ST8SIA5: variants seen among roughly 807,000 people sequenced by gnomAD.
ST8SIA5 encodes the protein ST8 alpha-N-acetyl-neuraminide alpha-2,8-sialyltransferase 5.
A neutral mutation model predicts 40.2 loss-of-function variants in ST8SIA5; 24 were observed. The ratio of observed to expected loss-of-function variants is 0.60; its 90% CI spans 0.43 to 0.84. The LOEUF (loss-of-function observed/expected upper bound fraction) is 0.84. Among genes scored for constraint, ST8SIA5 ranks in the 40% least tolerant of loss-of-function variants. ST8SIA5 has a pLI of 0.00. For missense variants in ST8SIA5, 465 were observed against 498.5 expected (o/e 0.93, Z 0.64); for synonymous variants, 198 against 201.8 (o/e 0.98, Z 0.16).
rs1052315650 is a variant in ST8SIA5 at position 46,670,955 on chromosome 18, G to A, written c.*9087C>T. ...TTTAAAATCAAAGCAAATGCCGTGA[G>A]ATATGTGATATTAGCAAAATGGTTG... On this transcript the variant is annotated 3_prime_UTR_variant, in exon 7 of 7. Coordinates refer to ENST00000315087, the MANE Select transcript of ST8SIA5 (RefSeq NM_013305.6). The A allele has an allele frequency of 1.3e-5, 2 of 152,212 alleles. No individual in the cohort carries two copies. Among genetic ancestry groups the A allele is most frequent in the Non-Finnish European group, 2.9e-5 (2 of 68,048 alleles). 9.4% of individuals were successfully genotyped at this position (152,212 alleles called of 1,614,324 possible).
chr18:46,725,992 T>A (rs1432286114), intron 1 of ST8SIA5, among the ~76,000 whole-genome samples: 59 of 65,614 alleles, frequency 9.0e-4, no homozygotes, highest in East Asian at 3.2e-3. Flanking sequence ...TATATATATA[T>A]ATATATATAT....
At chr18:46,732,920 C>T (rs1230824935) in intron 1 of ST8SIA5, among the ~76,000 whole-genome samples, 2 of 151,968 alleles carry the variant, frequency 1.3e-5, no homozygotes, top group Non-Finnish European at 2.9e-5. Context: ...GAGACCATGG[C>T]CCAAACCAGG....
Position 46,688,928 on chromosome 18 carries a change from C to A in ST8SIA5, c.312-9G>T. On this transcript the variant is annotated splice_polypyrimidine_tract_variant and intron_variant, in intron 3 of 6. Coordinates refer to ENST00000315087, the MANE Select transcript of ST8SIA5 (RefSeq NM_013305.6). ...ACCTGGACAGAGTAGACCTGCCAGG[C>A]AGGGAGACAGGCAGGAAAGACGTGA... The A allele has an allele frequency of 6.2e-7, 1 of 1,603,398 alleles. No homozygotes were observed. Among genetic ancestry groups the A allele is most frequent in the Non-Finnish European group, 8.5e-7 (1 of 1,175,664 alleles).
At chr18:46,722,905 A>C (rs1820368638) in intron 1 of ST8SIA5, 1 of 152,264 alleles carries the variant, frequency 6.6e-6, no homozygotes, top group Non-Finnish European at 1.5e-5. Context: ...AAACTTTAAC[A>C]GTCAGAGAAC....
Position 46,670,682 on chromosome 18 carries a change from T to A in ST8SIA5, c.*9360A>T, listed in dbSNP as rs955013518. 6.6e-6 allele frequency: 1 copy of A among 152,160 alleles called. No individual in the cohort carries two copies. The highest frequency in any genetic ancestry group is 2.4e-5 in the African/African-American group (1 of 41,454). 9.4% of individuals were successfully genotyped at this position (152,160 alleles called of 1,614,324 possible). The stretch of plus-strand genomic sequence containing the variant: ...TCTTGAGCTCAAGCGATCTCCCGCC[T>A]CAGCCTCCCAAAATGCTGGGATTAC... On this transcript the variant is annotated 3_prime_UTR_variant, in exon 7 of 7. Transcript: ENST00000315087.
chr18:46,747,792 T>C (rs1391003351), intron 1 of ST8SIA5, among the ~76,000 whole-genome samples: 1 of 152,228 alleles, frequency 6.6e-6, no homozygotes, highest in Non-Finnish European at 1.5e-5. Flanking sequence ...TGCGGCACTA[T>C]TCACAGTACC....
At chr18:46,713,851 A>G (rs762638589) in intron 1 of ST8SIA5, among the ~76,000 whole-genome samples, 8 of 152,174 alleles carry the variant, frequency 5.3e-5, no homozygotes, top group Non-Finnish European at 1.2e-4. Flanking sequence ...CGTAGGTGGA[A>G]GCAAGGCCAG....
intron 1 of ST8SIA5, among the ~76,000 whole-genome samples, chr18:46,706,504 T>A (rs1031289558): frequency 6.6e-6 from 1 of 152,220 alleles, no homozygotes; most frequent in Non-Finnish European, 1.5e-5. Context: ...TTTGCCTTTT[T>A]TTTTAAGTAA....
chr18:46,744,652 T>C (rs531443352), intron 1 of ST8SIA5, among the ~76,000 whole-genome samples: 22 of 152,278 alleles, frequency 1.4e-4, no homozygotes, highest in Middle Eastern at 6.8e-3. Flanking sequence ...ATTAGACAGA[T>C]CAACAAGACA....
chr18:46,674,503 G>A lies in ST8SIA5; in HGVS notation c.*5539C>T, dbSNP rs974587148. 3 of 152,208 alleles carry A rather than the reference G, an allele frequency of 2.0e-5. No individual in the cohort carries two copies. The highest frequency in any genetic ancestry group is 4.4e-5 in the Non-Finnish European group (3 of 68,052). 9.4% of individuals were successfully genotyped at this position (152,208 alleles called of 1,614,324 possible). ...CCAAGGTGTTACTCAGTTTATTAGC[G>A]GGGTATCCTGAACTGCTGGAGTCCC... is the stretch of plus-strand genomic sequence containing the variant. On this transcript the variant is annotated 3_prime_UTR_variant, in exon 7 of 7. Coordinates refer to ENST00000315087, the MANE Select transcript of ST8SIA5 (RefSeq NM_013305.6).
At chr18:46,684,345 G>GT (rs1334580309) in intron 5 of ST8SIA5, among the ~76,000 whole-genome samples, 2 of 152,038 alleles carry the variant, frequency 1.3e-5, no homozygotes, top group African/African-American at 2.4e-5. Flanking sequence ...CCAAAAAATT[G>GT]TTTTTTATCT....
chr18:46,723,763 T>C (rs1024163958), intron 1 of ST8SIA5, among the ~76,000 whole-genome samples: 1 of 148,898 alleles, frequency 6.7e-6, no homozygotes, highest in Non-Finnish European at 1.5e-5. Context: ...CTGTCTCTAC[T>C]AAAAATACAA....
chr18:46,740,661 A>C (rs1190615467), intron 1 of ST8SIA5, among the ~76,000 whole-genome samples: 1 of 152,244 alleles, frequency 6.6e-6, no homozygotes, highest in African/African-American at 2.4e-5. Flanking sequence ...TGAGTGAGTA[A>C]ATTATGATAG....
In ST8SIA5 at chr18:46,722,635, T is replaced by A. The variant is rs138857255; in HGVS notation, c.132-17971A>T. On this transcript the variant is annotated intron_variant, in intron 1 of 6. Coordinates refer to ENST00000315087, the MANE Select transcript of ST8SIA5 (RefSeq NM_013305.6). Reference sequence around the variant, plus strand: ...GCATCTGGGGTTGGCTACTTCATTGTTGTGGGACTGTCCTGTGCATTATAG... The same window carrying A: ...GCATCTGGGGTTGGCTACTTCATTGATGTGGGACTGTCCTGTGCATTATAG... 2.0e-5 allele frequency among the ~76,000 whole-genome samples: 3 copies of A among 152,360 alleles called. No homozygotes were observed. The East Asian group carries it at 5.8e-4, about 29-fold the overall frequency.
intron 1 of ST8SIA5, among the ~76,000 whole-genome samples, chr18:46,718,979 T>G (rs989076526): frequency 6.6e-6 from 1 of 152,118 alleles, no homozygotes; most frequent in Non-Finnish European, 1.5e-5. Flanking sequence ...GGGTAAAAAC[T>G]CCAGTTCCAT....
chr18:46,702,930 T>C (rs2039632477), intron 2 of ST8SIA5, among the ~76,000 whole-genome samples: 3 of 152,204 alleles, frequency 2.0e-5, no homozygotes. Context: ...ACAATGCAGC[T>C]AATCCCAGCT....
At chr18:46,729,938 G>C (rs1285458760) in intron 1 of ST8SIA5, among the ~76,000 whole-genome samples, 3 of 152,110 alleles carry the variant, frequency 2.0e-5, no homozygotes, top group African/African-American at 7.2e-5. Flanking sequence ...GCCAGGCCAG[G>C]GTTCTACTAA....
At chr18:46,722,169 C>T (rs1398168625) in intron 1 of ST8SIA5, among the ~76,000 whole-genome samples, 1 of 152,174 alleles carries the variant, frequency 6.6e-6, no homozygotes, top group South Asian at 2.1e-4. Context: ...GTCCCCAGGG[C>T]CAGCGAAGGT....
At chr18:46,751,632 T>C (rs930427510) in intron 1 of ST8SIA5, among the ~76,000 whole-genome samples, 1 of 152,138 alleles carries the variant, frequency 6.6e-6, no homozygotes, top group Non-Finnish European at 1.5e-5. Context: ...CCTGACCTCA[T>C]GATCCACCAG....
Sources: gnomAD v4.1 joint callset for allele counts (sites outside exome capture counted in the v4.1 genomes callset) on GRCh38, gnomAD v4.1.1 for gene constraint, MANE v1.5 for transcripts, NCBI Gene and HGNC (gene_info 2026-07-23, HGNC 2026-07-21) for gene names.